GALM: variants seen among roughly 807,000 people sequenced by gnomAD.
GALM encodes the protein galactose mutarotase.
In GALM, 43 loss-of-function variants were observed where a neutral mutation model predicts 37.4. That is an observed-to-expected ratio of 1.15 (90% CI 0.90 to 1.48). The LOEUF is 1.48. Among genes scored for constraint, GALM ranks in the 40% most tolerant of loss-of-function variants. The probability of loss-of-function intolerance (pLI) is 0.00; values close to 1 mark genes in which losing one functional copy is unlikely to be tolerated. For missense variants in GALM, 456 were observed against 419.1 expected, an observed-to-expected ratio of 1.09 and a Z score of -0.77; for synonymous variants, 199 against 170.6, an observed-to-expected ratio of 1.17 and a Z score of -1.30.
intron 4 of GALM, among the ~76,000 whole-genome samples, chr2:38,695,696 T>C (rs1403694764): frequency 6.6e-6 from 1 of 152,190 alleles, no homozygotes; most frequent in African/African-American, 2.4e-5. Flanking sequence ...CTTGTTTGTT[T>C]GCTTGTTTGT....
At chr2:38,726,890 C>T (rs1169713714) in intron 4 of GALM, among the ~76,000 whole-genome samples, 1 of 22,850 alleles carries the variant, frequency 4.4e-5, no homozygotes, top group Non-Finnish European at 8.0e-5. Flanking sequence ...GAGCAAAACT[C>T]TGTCTTAAAA....
At chr2:38,666,472 G>T in intron 1 of GALM, 121 bp downstream of exon 1, 1 of 717,236 alleles carries the variant, frequency 1.4e-6, no homozygotes, top group Non-Finnish European at 2.3e-6. Flanking sequence ...GCTTGGGACC[G>T]TCTGACTTGC....
chr2:38,703,578 C>T (rs937951980), intron 4 of GALM, among the ~76,000 whole-genome samples: 1 of 152,168 alleles, frequency 6.6e-6, no homozygotes, highest in African/African-American at 2.4e-5. Flanking sequence ...ATTCATTGAA[C>T]TCTGAGGTCC....
intron 4 of GALM, among the ~76,000 whole-genome samples, chr2:38,699,596 T>C (rs1341388516): frequency 6.6e-6 from 1 of 152,114 alleles, no homozygotes; most frequent in Non-Finnish European, 1.5e-5. Context: ...GGTGGACTGA[T>C]CACCTGAGGT....
chr2:38,684,465 G>A (rs1665475112), intron 3 of GALM, among the ~76,000 whole-genome samples: 2 of 152,044 alleles, frequency 1.3e-5, no homozygotes, highest in African/African-American at 4.8e-5. Context: ...TGGAGCCCAG[G>A]AGTTCAAGAC....
chr2:38,698,270 A>T, intron 4 of GALM: 1 of 458,682 alleles, frequency 2.2e-6, no homozygotes, highest in Non-Finnish European at 4.1e-6. Flanking sequence ...TTCTAAAGCT[A>T]CCTCTGTAGA....
At chr2:38,710,589 G>A (rs1326134297) in intron 4 of GALM, among the ~76,000 whole-genome samples, 1 of 152,072 alleles carries the variant, frequency 6.6e-6, no homozygotes, top group Non-Finnish European at 1.5e-5. Flanking sequence ...ATTTGTTGTA[G>A]AGGCAGGGTC....
chr2:38,684,780 T>C (rs1665482923), intron 3 of GALM, among the ~76,000 whole-genome samples: 1 of 152,124 alleles, frequency 6.6e-6, no homozygotes, highest in African/African-American at 2.4e-5. Context: ...GGACTCCATC[T>C]TGGATGACAC....
At chr2:38,679,423 T>A (rs1447361230) in intron 2 of GALM, among the ~76,000 whole-genome samples, 1 of 152,184 alleles carries the variant, frequency 6.6e-6, no homozygotes, top group East Asian at 1.9e-4. Flanking sequence ...TGAACTCAAT[T>A]TGCTCATCTG....
Position 38,675,600 on chromosome 2 carries a change from G to A in GALM, c.191-312G>A, listed in dbSNP as rs565520406. Among the ~76,000 whole-genome samples, 47 of 121,570 alleles carry A rather than the reference G, an allele frequency of 3.9e-4. No individual in the cohort carries two copies. The East Asian group carries it at 7.6e-3, about 20-fold the overall frequency. The allele number at this position is 121,570 out of a possible 152,430, so 79.8% of individuals were successfully genotyped here. A position where few individuals can be genotyped will look rare whatever the true frequency, so the allele number is the denominator to read the frequency against. Reference sequence around the variant, plus strand: ...GTGTGTGTGTGTGTGATGGAGTCTCGCTCTGTCGCCCAGGCTGGAATGCAG... The same window carrying A: ...GTGTGTGTGTGTGTGATGGAGTCTCACTCTGTCGCCCAGGCTGGAATGCAG... On this transcript the variant is annotated intron_variant, in intron 1 of 6. Coordinates refer to ENST00000272252, the MANE Select transcript of GALM (RefSeq NM_138801.3).
intron 6 of GALM, among the ~76,000 whole-genome samples, chr2:38,733,237 A>G (rs1255056479): frequency 2.9e-5 from 4 of 137,062 alleles, no homozygotes; most frequent in African/African-American, 8.1e-5. Flanking sequence ...AAAAAAAAAA[A>G]GCCTACACCT....
At chr2:38,672,464 G>A (rs1355297262) in intron 1 of GALM, among the ~76,000 whole-genome samples, 1 of 152,086 alleles carries the variant, frequency 6.6e-6, no homozygotes, top group Non-Finnish European at 1.5e-5. Context: ...GGTGGGAATA[G>A]GAGAGAGAGA....
intron 1 of GALM, among the ~76,000 whole-genome samples, chr2:38,674,615 T>A (rs943598103): frequency 6.6e-6 from 1 of 152,174 alleles, no homozygotes; most frequent in African/African-American, 2.4e-5. Flanking sequence ...CTGGCAAACC[T>A]ACTCTATATC....
chr2:38,667,374 C>G (rs938008683), intron 1 of GALM, among the ~76,000 whole-genome samples: 1 of 144,266 alleles, frequency 6.9e-6, no homozygotes, highest in Non-Finnish European at 1.5e-5. Flanking sequence ...GCCAGACCAG[C>G]CTGGCCAGCA....
intron 4 of GALM, among the ~76,000 whole-genome samples, chr2:38,693,058 C>T (rs1364765010): frequency 6.6e-6 from 1 of 152,186 alleles, no homozygotes; most frequent in Admixed American, 6.5e-5. Context: ...TGGCCCCAGG[C>T]TGGCCTGGAG....
intron 4 of GALM, among the ~76,000 whole-genome samples, chr2:38,709,629 G>C (rs1339321414): frequency 6.6e-6 from 1 of 151,676 alleles, no homozygotes; most frequent in African/African-American, 2.4e-5. Flanking sequence ...CAGAGGAAAG[G>C]GAAAAAAACC....
intron 1 of GALM, among the ~76,000 whole-genome samples, chr2:38,675,552 T>G (rs1266243747): frequency 1.3e-5 from 1 of 79,832 alleles, no homozygotes; most frequent in African/African-American, 6.8e-5. Context: ...TTTGTGTGTG[T>G]GTGTGTGTGT....
intron 1 of GALM, 47 bp downstream of exon 1, chr2:38,666,398 C>A (rs377062551): frequency 3.6e-6 from 5 of 1,395,982 alleles, no homozygotes; most frequent in African/African-American, 2.9e-5. Flanking sequence ...CAGGCCCACG[C>A]TACATACCTC....
At chr2:38,677,994 G>C (rs1364900176) in intron 2 of GALM, among the ~76,000 whole-genome samples, 1 of 151,774 alleles carries the variant, frequency 6.6e-6, no homozygotes, top group Non-Finnish European at 1.5e-5. Context: ...GGCCCTGAGA[G>C]GGGTGGGGAA....
Sources: allele counts gnomAD v4.1 joint callset (sites outside exome capture counted in the v4.1 genomes callset), GRCh38; gene constraint gnomAD v4.1.1; transcripts MANE v1.5; gene names NCBI Gene and HGNC (gene_info 2026-07-23, HGNC 2026-07-21).